EYS: variants seen among roughly 807,000 people sequenced by gnomAD.
EYS encodes the protein EGF-like photoreceptor maintenance factor.
A neutral mutation model predicts 282.1 loss-of-function variants in EYS; 250 were observed. The ratio of observed to expected loss-of-function variants is 0.89; its 90% confidence interval spans 0.80 to 0.98. The LOEUF (loss-of-function observed/expected upper bound fraction) is 0.98. EYS is among the 50% of genes least tolerant of loss of function. The probability of loss-of-function intolerance (pLI) is 0.00; values close to 1 mark genes in which losing one functional copy is unlikely to be tolerated. For missense variants in EYS, 4,016 were observed against 3,709.0 expected, an observed-to-expected ratio of 1.08 and a Z score of -2.15; for synonymous variants, 1,355 against 1,282.9, an observed-to-expected ratio of 1.06 and a Z score of -1.20.
intron 19 of EYS, among the ~76,000 whole-genome samples, chr6:64,825,257 C>T (rs902332478): frequency 6.6e-6 from 1 of 151,890 alleles, no homozygotes; most frequent in Non-Finnish European, 1.5e-5. Context: ...ATTGCATTCT[C>T]GTCTTAATCC....
intron 14 of EYS, among the ~76,000 whole-genome samples, chr6:64,985,595 A>G (rs2150119276): frequency 6.6e-6 from 1 of 151,650 alleles, no homozygotes; most frequent in African/African-American, 2.4e-5. Flanking sequence ...AAAGATAAGA[A>G]TAACAGTCAT....
chr6:65,405,242 C>A lies in EYS; in HGVS notation c.988G>T (p.Glu330Ter). The change falls in exon 6 of 43, where the codon GAA (glutamate) becomes TAA (stop). Residue 330 changes from glutamate (E) to a stop codon, truncating the protein, a stop_gained. Coordinates refer to ENST00000503581, the MANE Select transcript of EYS (RefSeq NM_001142800.2). LOFTEE classifies it high-confidence loss of function. ...AATGAAAACTCACTGACATCAGTTT[C>A]ACCATTTTGGCTGGAAGATCCTTTT... ...CPKGSSSQNG[E>*]TDVSEFSLVP... The A allele has an allele frequency of 6.2e-7, 1 of 1,613,310 alleles. No homozygotes were observed.
intron 19 of EYS, among the ~76,000 whole-genome samples, chr6:64,841,092 A>T (rs1411071219): frequency 3.9e-5 from 6 of 152,118 alleles, no homozygotes; most frequent in Admixed American, 3.3e-4. Context: ...ACAGCCAAAG[A>T]TACATGTTTT....
At chr6:64,657,112 C>T (rs981608354) in intron 22 of EYS, among the ~76,000 whole-genome samples, 3 of 152,120 alleles carry the variant, frequency 2.0e-5, no homozygotes, top group Non-Finnish European at 2.9e-5. Flanking sequence ...TATGTAATGG[C>T]CTTCTTTGTC....
chr6:64,055,949 CTCAA>C (rs1770968982), intron 33 of EYS, among the ~76,000 whole-genome samples: 1 of 152,106 alleles, frequency 6.6e-6, no homozygotes, highest in Non-Finnish European at 1.5e-5. Context: ...AGCCATCAGC[CTCAA>C]TCAGTTACGG....
At chr6:64,427,208 T>C (rs955375309) in intron 28 of EYS, among the ~76,000 whole-genome samples, 7 of 152,194 alleles carry the variant, frequency 4.6e-5, no homozygotes, top group African/African-American at 1.2e-4. Context: ...CCTAGAAGTA[T>C]TCTGCTAGAG....
At chr6:65,148,408 C>T (rs189624351) in intron 12 of EYS, among the ~76,000 whole-genome samples, 43 of 152,190 alleles carry the variant, frequency 2.8e-4, no homozygotes, top group Non-Finnish European at 6.0e-4. Context: ...CTTAAAGTTC[C>T]AAAATGATCT....
chr6:64,819,453 A>G (rs146057878), intron 21 of EYS, among the ~76,000 whole-genome samples: 3 of 152,216 alleles, frequency 2.0e-5, no homozygotes, highest in Admixed American at 2.0e-4. Flanking sequence ...TAACCCATAT[A>G]TAGAAATCTA....
chr6:63,891,535 AC>A (rs1254115676), intron 35 of EYS, among the ~76,000 whole-genome samples: 7 of 152,066 alleles, frequency 4.6e-5, no homozygotes, highest in Non-Finnish European at 1.0e-4. Flanking sequence ...AAAATTCAAC[AC>A]CCCTTCATGC....
At chr6:64,480,502 T>A (rs1170805508) in intron 26 of EYS, among the ~76,000 whole-genome samples, 1 of 151,894 alleles carries the variant, frequency 6.6e-6, no homozygotes. Context: ...CTTTGTGCGA[T>A]GTTAGAGTTC....
chr6:65,297,156 C>A (rs530800052), intron 11 of EYS, among the ~76,000 whole-genome samples: 92 of 151,054 alleles, frequency 6.1e-4, no homozygotes, highest in African/African-American at 2.0e-3. Flanking sequence ...ATATGCATTT[C>A]TTTGAATATT....
At chr6:64,284,456 C>T (rs1768424118) in intron 30 of EYS, among the ~76,000 whole-genome samples, 1 of 152,160 alleles carries the variant, frequency 6.6e-6, no homozygotes, top group South Asian at 2.1e-4. Context: ...CAGTTGCTTT[C>T]ATGGGCTGGT....
At chr6:65,454,564 T>TA (rs202241474) in intron 5 of EYS, among the ~76,000 whole-genome samples, 11,941 of 146,878 alleles carry the variant, frequency 0.081, 1,094 homozygotes, top group African/African-American at 0.23. Flanking sequence ...AGGTTTTATT[T>TA]AAAAAAAAAA....
chr6:65,129,494 T>C (rs1028191308), intron 12 of EYS, among the ~76,000 whole-genome samples: 7 of 151,886 alleles, frequency 4.6e-5, no homozygotes, highest in South Asian at 2.1e-4. Flanking sequence ...CATTAAAAAA[T>C]GGTCAAAGGA....
intron 29 of EYS, among the ~76,000 whole-genome samples, chr6:64,309,584 C>G (rs1478842666): frequency 1.6e-5 from 1 of 64,274 alleles, no homozygotes; most frequent in African/African-American, 1.2e-4. Flanking sequence ...TTTAAATATA[C>G]AAACAACCTT....
chr6:65,549,685 T>C (rs975227231), intron 2 of EYS, among the ~76,000 whole-genome samples: 4 of 152,236 alleles, frequency 2.6e-5, no homozygotes, highest in African/African-American at 9.6e-5. Flanking sequence ...AATTAGTGTT[T>C]ATAAAGTCTG....
At chr6:65,258,741 T>C (rs189462971) in intron 12 of EYS, among the ~76,000 whole-genome samples, 5 of 152,144 alleles carry the variant, frequency 3.3e-5, no homozygotes, top group African/African-American at 1.2e-4. Context: ...GGAGATACAA[T>C]GGAATGTATA....
At chr6:63,793,446 T>C (rs780844011) in intron 37 of EYS, among the ~76,000 whole-genome samples, 4 of 152,238 alleles carry the variant, frequency 2.6e-5, no homozygotes, top group Admixed American at 6.5e-5. Context: ...GAAAGATCAA[T>C]TGAGTAATTT....
chr6:64,387,378 G>A (rs1325353292), intron 29 of EYS, among the ~76,000 whole-genome samples: 2 of 151,736 alleles, frequency 1.3e-5, no homozygotes, highest in Non-Finnish European at 2.9e-5. Context: ...TTATATTCAG[G>A]GGTAGCTAAT....
Sources: allele counts gnomAD v4.1 joint callset (sites outside exome capture counted in the v4.1 genomes callset), GRCh38; gene constraint gnomAD v4.1.1; transcripts MANE v1.5; gene names NCBI Gene and HGNC (gene_info 2026-07-23, HGNC 2026-07-21).